The following NLRP12 variants were observed in gnomAD, a reference collection of about 807,000 sequenced individuals.
The protein encoded by NLRP12 is NLR family pyrin domain containing 12.
A neutral mutation model predicts 91.2 loss-of-function variants in NLRP12; 108 were observed. The ratio of observed to expected loss-of-function variants is 1.18; its 90% CI spans 1.01 to 1.39. The LOEUF (loss-of-function observed/expected upper bound fraction) is 1.39. Ranked by LOEUF, NLRP12 falls within the 40% of genes most tolerant of loss-of-function variation. The probability of loss-of-function intolerance (pLI) is 0.00; values close to 1 mark genes in which losing one functional copy is unlikely to be tolerated. For synonymous variants in NLRP12, 613 were observed against 566.7 expected (o/e 1.08, Z -1.16); for missense variants, 1,530 against 1,352.7 (o/e 1.13, Z -2.06).
chr19:53,808,068 A>ATTT, intron 3 of NLRP12: 1 of 286,336 alleles, frequency 3.5e-6, no homozygotes, highest in Non-Finnish European at 6.9e-6. Context: ...CTATCTTTTC[A>ATTT]TTTTTTTTTT....
At chr19:53,798,931 G>A (rs1379165429) in intron 7 of NLRP12, among the ~76,000 whole-genome samples, 1 of 151,810 alleles carries the variant, frequency 6.6e-6, no homozygotes, top group African/African-American at 2.4e-5. Flanking sequence ...TAGTACAAGC[G>A]GGGTTTCACC....
intron 1 of NLRP12, among the ~76,000 whole-genome samples, chr19:53,820,737 G>A (rs1048009766): frequency 1.3e-5 from 2 of 149,948 alleles, no homozygotes; most frequent in African/African-American, 4.9e-5. Context: ...ACCCAGGCTG[G>A]AGTGCAGTGG....
rs1325231084 is a variant in NLRP12 at position 53,814,894 on chromosome 19, G to A, written c.370+14C>T. The A allele has an allele frequency of 6.2e-7, 1 of 1,608,290 alleles. No individual in the cohort carries two copies. The highest frequency in any genetic ancestry group is 1.1e-5 in the South Asian group (1 of 91,002). ...TGTAGATGAATACATGTAGGTACATGGCTTGAGGCTCACCTTTTCTTGGAG... is the reference window on the plus strand; with the variant it reads ...TGTAGATGAATACATGTAGGTACATAGCTTGAGGCTCACCTTTTCTTGGAG... On this transcript the variant is annotated intron_variant, in intron 2 of 9. Coordinates refer to ENST00000324134, the MANE Select transcript of NLRP12 (RefSeq NM_144687.4).
intron 8 of NLRP12, among the ~76,000 whole-genome samples, chr19:53,797,770 C>T (rs1196712482): frequency 6.8e-6 from 1 of 148,058 alleles, no homozygotes; most frequent in Non-Finnish European, 1.5e-5. Flanking sequence ...CAGAGTTTCA[C>T]TCTTGTTGCC....
In NLRP12 at chr19:53,795,415, C is replaced by T. The variant is rs550095810; in HGVS notation, c.3098+444G>A. ...TTTGAGATGGAGTCTCACTCTGTCA[C>T]CCAGGCTGGAGTGCAGTGGTGTGAT... On this transcript the variant is annotated intron_variant, in intron 9 of 9. Coordinates refer to ENST00000324134, the MANE Select transcript of NLRP12 (RefSeq NM_144687.4). Among the ~76,000 whole-genome samples the T allele has an allele frequency of 6.3e-4, 96 of 151,520 alleles. No individual in the cohort carries two copies. The East Asian group carries it at 0.01, about 16-fold the overall frequency.
At chr19:53,823,326 T>C (rs1415764321) in intron 1 of NLRP12, among the ~76,000 whole-genome samples, 2 of 133,782 alleles carry the variant, frequency 1.5e-5, no homozygotes, top group East Asian at 2.0e-4. Context: ...AATAAATATA[T>C]ACTATATTTA....
At chr19:53,823,489 A>AT (rs1568703158) in intron 1 of NLRP12, among the ~76,000 whole-genome samples, 3 of 78,800 alleles carry the variant, frequency 3.8e-5, no homozygotes, top group East Asian at 2.6e-4. Flanking sequence ...TATATTTTAA[A>AT]ATATATTTAT....
At position 53,795,989 on chromosome 19, in the gene NLRP12, G is replaced by A; in HGVS notation, c.2968C>T (p.Leu990Phe). ...TGGTTGATCCCCAGGGTGAAGTAAA[G>A]ATTCTCACAAGCCTTGGCTGTGAGG... ...CGLTAKACENLYFTLGINQTL... is the reference protein window; with the variant it reads ...CGLTAKACENFYFTLGINQTL... Residue 990 changes from leucine (L) to phenylalanine (F), a missense_variant, in exon 9 of 10, where the codon CTT (leucine) becomes TTT (phenylalanine). Physicochemically the swap from Leu to Phe is conservative, Grantham distance 22. Coordinates refer to ENST00000324134, the MANE Select transcript of NLRP12 (RefSeq NM_144687.4). The A allele has an allele frequency of 1.2e-6, 2 of 1,614,174 alleles. No homozygotes were observed. Among genetic ancestry groups the A allele is most frequent in the African/African-American group, 1.3e-5 (1 of 75,054 alleles).
intron 2 of NLRP12, among the ~76,000 whole-genome samples, chr19:53,814,224 T>G (rs750751884): frequency 8.5e-5 from 13 of 152,190 alleles, no homozygotes; most frequent in Non-Finnish European, 1.8e-4. Flanking sequence ...TTTTGCTAAA[T>G]CAGTCATGAG....
upstream of NLRP12, chr19:53,824,391 C>T: frequency 1.7e-6 from 1 of 575,252 alleles, no homozygotes. Context: ...CCCCACTCAC[C>T]AATGGCTGTT....
chr19:53,807,933 A>C, intron 3 of NLRP12: 1 of 421,206 alleles, frequency 2.4e-6, no homozygotes, highest in South Asian at 1.9e-5. Context: ...TATTTTTAGT[A>C]GAGATGGGGT....
rs752809784 is a variant in NLRP12, at chr19:53,810,844, C to T, written c.815G>A (p.Trp272Ter). 191 of 1,613,964 alleles carry T rather than the reference C, an allele frequency of 1.2e-4. 1 individual carries two copies. Among genetic ancestry groups the T allele is most frequent in the Non-Finnish European group, 1.6e-4 (187 of 1,180,040 alleles). Residue 272 changes from tryptophan to a stop codon, truncating the protein, a stop_gained, in exon 3 of 10, where the codon TGG becomes TAG. Transcript: ENST00000324134. LOFTEE classifies it high-confidence loss of function. Reference protein sequence around the residue: ...CSMQDLIFSCWPEPSAPLQEL... With the variant: ...CSMQDLIFSC ...CTGGAGAGGCGCGCTGGGCTCAGGCCAGCAGCTGAAGATGAGGTCTTGCAT... is the reference window on the plus strand; with the variant it reads ...CTGGAGAGGCGCGCTGGGCTCAGGCTAGCAGCTGAAGATGAGGTCTTGCAT...
chr19:53,807,722 C>A, intron 3 of NLRP12, 57 bp from the exon 4 acceptor site: 1 of 1,579,188 alleles, frequency 6.3e-7, no homozygotes, highest in Non-Finnish European at 8.7e-7. Flanking sequence ...ACAACTATGG[C>A]CTTTGCATGT....
chr19:53,796,209 G>GCT, intron 8 of NLRP12, 180 bp from the exon 9 acceptor site: 33 of 663,162 alleles, frequency 5.0e-5, no homozygotes, highest in South Asian at 4.6e-4. Context: ...TGGGATTACA[G>GCT]GTGTGCACCA....
Position 53,810,452 on chromosome 19 carries a change from C to T in NLRP12, c.1207G>A (p.Val403Ile), listed in dbSNP as rs765948822. The T allele has an allele frequency of 1.8e-5, 29 of 1,613,944 alleles. No homozygotes were observed. Among genetic ancestry groups the T allele is most frequent in the South Asian group, 5.5e-5 (5 of 91,078 alleles). ...CACACCACCCAGCACACCAGGGGGA[C>T]GAAGCACATGGTGAAGAGAGGCTCG... ...DNEPLFTMCFVPLVCWVVCTC... is the reference protein window; with the variant it reads ...DNEPLFTMCFIPLVCWVVCTC... The change falls in exon 3 of 10, where the codon GTC becomes ATC. Residue 403 changes from valine (V) to isoleucine (I), a missense_variant. Physicochemically the swap from Val to Ile is conservative, Grantham distance 29 (BLOSUM62 3). Transcript: ENST00000324134.
At chr19:53,822,310 T>C (rs2092273029) in intron 1 of NLRP12, among the ~76,000 whole-genome samples, 2 of 152,070 alleles carry the variant, frequency 1.3e-5, no homozygotes, top group Non-Finnish European at 2.9e-5. Flanking sequence ...GCTCAGGGAT[T>C]AGTATGAAAG....
Position 53,811,040 on chromosome 19 carries a change from G to A in NLRP12, c.619C>T (p.Pro207Ser), listed in dbSNP as rs750186083. 1 of 1,612,828 alleles carries A rather than the reference G, an allele frequency of 6.2e-7. No individual in the cohort carries two copies. Among genetic ancestry groups the A allele is most frequent in the Admixed American group, 1.7e-5 (1 of 59,984 alleles). ...ETLFEPDEERPEPPRTVVMQG... is the reference protein window; with the variant it reads ...ETLFEPDEERSEPPRTVVMQG... ...ATGACCACGGTGCGCGGTGGCTCGG[G>A]GCGCTCCTCGTCTGGCTCAAAGAGG... The change falls in exon 3 of 10, where the codon CCC becomes TCC. Residue 207 changes from proline to serine, a missense_variant. Pro to Ser is a moderately conservative substitution (Grantham distance 74). Transcript: ENST00000324134.
In NLRP12 at chr19:53,811,162, T is replaced by G; in HGVS notation, c.497A>C (p.His166Pro). The G allele has an allele frequency of 6.2e-7, 1 of 1,614,036 alleles. No homozygotes were observed. Among genetic ancestry groups the G allele is most frequent in the South Asian group, 1.1e-5 (1 of 91,088 alleles). Reference sequence around the variant, plus strand: ...CTGCTGGACCTGCATGGGGTTTGAGTGCTCCTTCACCAGCAGGAGCCGGGT... The same window carrying G: ...CTGCTGGACCTGCATGGGGTTTGAGGGCTCCTTCACCAGCAGGAGCCGGGT... ...RYTRLLLVKE[H>P]SNPMQVQQQL... is the part of the protein sequence containing the mutation. The change falls in exon 3 of 10, where the codon CAC becomes CCC. Residue 166 changes from histidine to proline, a missense_variant. By Grantham distance (77) the His-to-Pro change is moderately conservative. Coordinates refer to ENST00000324134, the MANE Select transcript of NLRP12 (RefSeq NM_144687.4).
At chr19:53,816,988 A>G (rs995016392) in intron 1 of NLRP12, among the ~76,000 whole-genome samples, 2 of 117,630 alleles carry the variant, frequency 1.7e-5, no homozygotes, top group African/African-American at 6.8e-5. Flanking sequence ...ACTCAGCAGC[A>G]CACTTAAAAA....
Sources: gnomAD v4.1 joint callset for allele counts (sites outside exome capture counted in the v4.1 genomes callset) on GRCh38, gnomAD v4.1.1 for gene constraint, MANE v1.5 for transcripts, NCBI Gene and HGNC (gene_info 2026-07-23, HGNC 2026-07-21) for gene names.